Variants in RASGRF2 observed in about 807,000 individuals in gnomAD.
RASGRF2 encodes ras-specific guanine nucleotide-releasing factor 2.
A neutral mutation model predicts 151.0 loss-of-function variants in RASGRF2; 76 were observed. The observed-to-expected ratio is 0.50, with a 90% confidence interval of 0.42 to 0.61. The LOEUF is 0.61. Ranked by LOEUF, RASGRF2 falls within the 20% of genes least tolerant of loss-of-function variation. The pLI, the probability that RASGRF2 is intolerant of heterozygous loss-of-function variation, is 0.00. For synonymous variants in RASGRF2, 504 were observed against 566.5 expected (o/e 0.89, Z 1.57); for missense variants, 1,148 against 1,564.6 (o/e 0.73, Z 4.49).
intron 17 of RASGRF2, among the ~76,000 whole-genome samples, chr5:81,149,576 T>C (rs1462622964): frequency 6.6e-6 from 1 of 151,626 alleles, no homozygotes; most frequent in Non-Finnish European, 1.5e-5. Flanking sequence ...CACCACTAAA[T>C]CACTTATCCA....
At chr5:81,137,802 C>T (rs557965485) in intron 17 of RASGRF2, among the ~76,000 whole-genome samples, 4 of 152,354 alleles carry the variant, frequency 2.6e-5, no homozygotes, top group African/African-American at 9.6e-5. Flanking sequence ...AGCACCAATT[C>T]TGTGGTATTT....
intron 1 of RASGRF2, among the ~76,000 whole-genome samples, chr5:81,015,369 T>C (rs1438460975): frequency 2.6e-5 from 4 of 152,072 alleles, no homozygotes; most frequent in African/African-American, 7.2e-5. Flanking sequence ...TTGAACTAAT[T>C]TAGAATCCCA....
intron 1 of RASGRF2, among the ~76,000 whole-genome samples, chr5:80,990,134 C>A (rs1308965114): frequency 6.6e-6 from 1 of 152,046 alleles, no homozygotes; most frequent in Admixed American, 6.6e-5. Flanking sequence ...GGGTCATTTT[C>A]TTAGAACACA....
At position 81,042,105 on chromosome 5, in the gene RASGRF2, G is replaced by A. The variant is rs367896927; in HGVS notation, c.289-772G>A. ...TCACCGATTAAAGGATATTTAGGTT[G>A]TTTCCAGTTTTTGGTGATTATGAAT... On this transcript the variant is annotated intron_variant, in intron 1 of 26. Coordinates refer to ENST00000265080, the MANE Select transcript of RASGRF2 (RefSeq NM_006909.3). Among the ~76,000 whole-genome samples the A allele has an allele frequency of 7.2e-5, 11 of 152,176 alleles. No homozygotes were observed. The East Asian group carries it at 9.6e-4, about 13-fold the overall frequency.
chr5:80,997,988 T>C (rs970644367), intron 1 of RASGRF2: 1 of 111,322 alleles, frequency 9.0e-6, no homozygotes, highest in African/African-American at 3.1e-5. Flanking sequence ...AAAAAAAAAA[T>C]TAAAGTTGTT....
chr5:80,976,738 G>C (rs574618228), intron 1 of RASGRF2, among the ~76,000 whole-genome samples: 1 of 152,308 alleles, frequency 6.6e-6, no homozygotes, highest in African/African-American at 2.4e-5. Context: ...ACAGCTCTTT[G>C]CCGTTTCAGA....
chr5:81,066,301 G>A (rs532672341), intron 2 of RASGRF2, among the ~76,000 whole-genome samples: 12 of 151,958 alleles, frequency 7.9e-5, no homozygotes, highest in South Asian at 4.2e-4. Context: ...ACTTAAAAAT[G>A]TTGCTGACAC....
At chr5:81,170,567 T>C (rs1489830986) in intron 17 of RASGRF2, among the ~76,000 whole-genome samples, 1 of 152,136 alleles carries the variant, frequency 6.6e-6, no homozygotes, top group Non-Finnish European at 1.5e-5. Context: ...TCACTGCTCC[T>C]TCTGCTTGAA....
intron 18 of RASGRF2, among the ~76,000 whole-genome samples, chr5:81,194,684 T>G (rs1755223049): frequency 6.6e-6 from 1 of 152,190 alleles, no homozygotes. Context: ...TTGCAGGTGG[T>G]TTCTGGACCT....
At chr5:81,110,912 T>A (rs1008946060) in intron 13 of RASGRF2, among the ~76,000 whole-genome samples, 1 of 152,186 alleles carries the variant, frequency 6.6e-6, no homozygotes, top group African/African-American at 2.4e-5. Flanking sequence ...ATCAGTAATG[T>A]AACTCAAGCT....
At chr5:80,985,322 A>T (rs963503832) in intron 1 of RASGRF2, among the ~76,000 whole-genome samples, 1 of 152,216 alleles carries the variant, frequency 6.6e-6, no homozygotes, top group African/African-American at 2.4e-5. Flanking sequence ...AATTTTCTTC[A>T]TGCTTATTTA....
intron 5 of RASGRF2, 77 bp from the exon 6 acceptor site, chr5:81,080,044 G>A (rs1054336356): frequency 6.6e-7 from 1 of 1,513,256 alleles, no homozygotes. Context: ...ATATATTAAG[G>A]CTTTAAGGAC....
chr5:80,972,792 G>A (rs996642313), intron 1 of RASGRF2, among the ~76,000 whole-genome samples: 6 of 152,252 alleles, frequency 3.9e-5, no homozygotes, highest in Middle Eastern at 3.4e-3. Flanking sequence ...TCTCTGTTTC[G>A]AAGTGCTTGT....
chr5:81,207,240 T>C lies in RASGRF2; in HGVS notation c.2968-6T>C. The C allele has an allele frequency of 2.5e-6, 4 of 1,613,342 alleles. No individual in the cohort carries two copies. Among genetic ancestry groups the C allele is most frequent in the Non-Finnish European group, 3.4e-6 (4 of 1,179,260 alleles). On this transcript the variant is annotated splice_region_variant and splice_polypyrimidine_tract_variant and intron_variant, in intron 20 of 26. Transcript: ENST00000265080. Reference sequence around the variant, plus strand: ...GTGTTTCATTTCCCTCCCTCATCTCTTGCAGACTGACTGCATGAAGGCCGA... The same window carrying C: ...GTGTTTCATTTCCCTCCCTCATCTCCTGCAGACTGACTGCATGAAGGCCGA...
chr5:80,993,187 C>T (rs889669199), intron 1 of RASGRF2, among the ~76,000 whole-genome samples: 1 of 152,180 alleles, frequency 6.6e-6, no homozygotes, highest in Non-Finnish European at 1.5e-5. Flanking sequence ...TCTAAGCCTG[C>T]ACCTCCCTGG....
chr5:81,066,715 G>A (rs1751617776), intron 2 of RASGRF2, among the ~76,000 whole-genome samples: 1 of 152,182 alleles, frequency 6.6e-6, no homozygotes, highest in Admixed American at 6.5e-5. Context: ...GCCCAAAAAT[G>A]GCAACTAGAA....
intron 5 of RASGRF2, among the ~76,000 whole-genome samples, chr5:81,076,889 G>A (rs1751955387): frequency 1.3e-5 from 2 of 152,246 alleles, no homozygotes; most frequent in Non-Finnish European, 2.9e-5. Flanking sequence ...AGTCAGGATG[G>A]TTGCATGTTT....
intron 1 of RASGRF2, among the ~76,000 whole-genome samples, chr5:81,030,404 G>T (rs1487036717): frequency 6.6e-6 from 1 of 152,186 alleles, no homozygotes; most frequent in African/African-American, 2.4e-5. Flanking sequence ...CAGGGAGTAA[G>T]GTCAGGTTAC....
chr5:81,098,340 G>A, intron 12 of RASGRF2, among the ~76,000 whole-genome samples: 1 of 152,168 alleles, frequency 6.6e-6, no homozygotes, highest in African/African-American at 2.4e-5. Flanking sequence ...TGATAAATAA[G>A]CAGTGGGATA....
Sources: allele counts gnomAD v4.1 joint callset (sites outside exome capture counted in the v4.1 genomes callset), GRCh38; gene constraint gnomAD v4.1.1; transcripts MANE v1.5; gene names NCBI Gene and HGNC (gene_info 2026-07-23, HGNC 2026-07-21).